CDS2: variants seen among roughly 807,000 people sequenced by gnomAD.
CDS2 encodes CDP-diacylglycerol synthase 2.
A neutral mutation model predicts 59.0 loss-of-function variants in CDS2; 47 were observed. That is an observed-to-expected ratio of 0.80 (90% confidence interval 0.63 to 1.02). CDS2 has a LOEUF of 1.02. Ranked by LOEUF, CDS2 falls within the 50% of genes least tolerant of loss-of-function variation. The pLI is 0.00. For missense variants in CDS2, 356 were observed against 558.9 expected (o/e 0.64, Z 3.66); for synonymous variants, 207 against 206.4 (o/e 1.00, Z -0.02).
At chr20:5,150,109 G>A (rs2090776960) in intron 1 of CDS2, among the ~76,000 whole-genome samples, 2 of 152,260 alleles carry the variant, frequency 1.3e-5, no homozygotes, top group South Asian at 2.1e-4. Context: ...CTAAAATGTG[G>A]TATTTTCTTA....
rs116114620 is a variant in CDS2 at position 5,186,900 on chromosome 20, C to A, written c.981+61C>A. 3.8e-6 allele frequency: 6 copies of A among 1,562,478 alleles called. No individual in the cohort carries two copies. The South Asian group carries it at 6.7e-5, about 17-fold the overall frequency. ...GGACAGTGGCTACAAAGAGAGATCC[C>A]CCTCCATCACCTGCCCTCTGAAAAA... On this transcript the variant is annotated intron_variant, in intron 10 of 12. Transcript: ENST00000460006.
At chr20:5,134,447 A>G (rs1387208744) in intron 1 of CDS2, among the ~76,000 whole-genome samples, 2 of 152,154 alleles carry the variant, frequency 1.3e-5, no homozygotes, top group East Asian at 3.9e-4. Context: ...CACATAATCA[A>G]TTTTTTCCCT....
chr20:5,189,660 TG>T, intron 11 of CDS2, 74 bp from the exon 12 acceptor site: 1 of 1,043,180 alleles, frequency 9.6e-7, no homozygotes, highest in South Asian at 1.4e-5. Context: ...AGCCTGACAT[TG>T]GGGTGGGACC....
chr20:5,188,275 G>A (rs1461942836), intron 10 of CDS2, among the ~76,000 whole-genome samples: 1 of 152,148 alleles, frequency 6.6e-6, no homozygotes, highest in Non-Finnish European at 1.5e-5. Context: ...AGAGAACAAA[G>A]TCCATTGATA....
intron 1 of CDS2, among the ~76,000 whole-genome samples, chr20:5,158,950 C>T (rs1006800562): frequency 2.5e-4 from 38 of 152,308 alleles, no homozygotes; most frequent in African/African-American, 9.1e-4. Context: ...GCTGTTATCT[C>T]AGCACAGGTG....
chr20:5,184,976 C>T lies in CDS2; in HGVS notation c.759+31C>T, dbSNP rs1264143088. The T allele has an allele frequency of 1.4e-6, 2 of 1,476,532 alleles. No homozygotes were observed. The highest frequency in any genetic ancestry group is 4.5e-5 in the East Asian group (2 of 44,192). 91.5% of individuals were successfully genotyped at this position (1,476,532 alleles called of 1,614,324 possible). ...TGGATTACCCTAATGTGAAATACCA[C>T]TGTGAGGGGAGGGTGGTGCTCTCAA... On this transcript the variant is annotated intron_variant, in intron 8 of 12. Transcript: ENST00000460006. This position sits in a 1 kb window ranked among gnomAD's most constrained non-coding sequence, Gnocchi z 4.3.
intron 4 of CDS2, among the ~76,000 whole-genome samples, chr20:5,177,603 T>TG (rs1434531792): frequency 1.3e-5 from 2 of 152,180 alleles, no homozygotes; most frequent in African/African-American, 4.8e-5. Flanking sequence ...TGAGAGGACC[T>TG]GGGGCAAATG....
intron 4 of CDS2, 49 bp downstream of exon 4, chr20:5,176,794 T>C: frequency 1.5e-6 from 2 of 1,291,672 alleles, no homozygotes; most frequent in Non-Finnish European, 1.1e-6. Context: ...ATGATGTGCT[T>C]TGTGGCAGGT....
At position 5,175,246 on chromosome 20, in the gene CDS2, C is replaced by G. The variant is rs1481335202; in HGVS notation, c.258C>G (p.Ile86Met). The change falls in exon 3 of 13, where the codon ATC (isoleucine) becomes ATG (methionine). Residue 86 changes from isoleucine (I) to methionine (M), a missense_variant. By Grantham distance (10) the Ile-to-Met change is conservative. Around this residue, in one of 5 missense-constraint regions of CDS2, gnomAD observed 107 missense variants for 129.7 expected, o/e 0.82. Transcript: ENST00000460006. ...CCATGATTGCATTTTTCTTCATCAT[C>G]ATTTACCTGGGACCAATGGTTTTGA... ...TLAMIAFFFI[I>M]IYLGPMVLMI... is the part of the protein sequence containing the mutation. The G allele has an allele frequency of 4.3e-6, 7 of 1,614,052 alleles. No homozygotes were observed. Among genetic ancestry groups the G allele is most frequent in the Non-Finnish European group, 5.9e-6 (7 of 1,179,884 alleles).
In CDS2 at chr20:5,196,993, T is replaced by C. The variant is rs1380567830; in HGVS notation, c.*6759T>C. The C allele has an allele frequency of 6.6e-6, 1 of 152,260 alleles. No homozygotes were observed. Among genetic ancestry groups the C allele is most frequent in the Non-Finnish European group, 1.5e-5 (1 of 68,046 alleles). The allele number at this position is 152,260 out of a possible 1,614,324, so 9.4% of individuals were successfully genotyped here. A position where few individuals can be genotyped will look rare whatever the true frequency, so the allele number is the denominator to read the frequency against. ...CACGGAGGGGCCAGGAGTCTCACAG[T>C]GGAGGGCAGACTCTAACAGATGCCA... On this transcript the variant is annotated 3_prime_UTR_variant, in exon 13 of 13. Coordinates refer to ENST00000460006, the MANE Select transcript of CDS2 (RefSeq NM_003818.4).
chr20:5,140,269 G>T (rs1177214999), intron 1 of CDS2, among the ~76,000 whole-genome samples: 1 of 152,146 alleles, frequency 6.6e-6, no homozygotes, highest in African/African-American at 2.4e-5. Flanking sequence ...CTGCAGTATG[G>T]TATTCTTAGA....
intron 1 of CDS2, among the ~76,000 whole-genome samples, chr20:5,166,482 GCAGGGAGCATGAGAATGAATGGGGAAACT>G (rs1334556694): frequency 7.2e-5 from 11 of 152,116 alleles, no homozygotes; most frequent in African/African-American, 2.7e-4. Flanking sequence ...AGAAGAGACA[GCAGGGAGCATGAGAATGAATGGGGAAACT>G]CAGGGAGAGT....
At position 5,178,974 on chromosome 20, in the gene CDS2, C is replaced by G; in HGVS notation, c.529+18C>G. 2.5e-6 allele frequency: 4 copies of G among 1,611,024 alleles called. No homozygotes were observed. The highest frequency in any genetic ancestry group is 3.4e-6 in the Non-Finnish European group (4 of 1,177,402). On this transcript the variant is annotated intron_variant, in intron 5 of 12. Transcript: ENST00000460006. The stretch of plus-strand genomic sequence containing the variant: ...TCTAATAGGTATGCATTAAGCAGTT[C>G]ACCATTTCTTGTGTCTGTATTGTTT...
intron 1 of CDS2, among the ~76,000 whole-genome samples, chr20:5,163,291 TG>T (rs1384954397): frequency 6.6e-6 from 1 of 152,220 alleles, no homozygotes; most frequent in African/African-American, 2.4e-5. Context: ...GACAGAGTTT[TG>T]CTCTTGTTGC....
chr20:5,166,826 GT>G (rs2090916541), intron 1 of CDS2, among the ~76,000 whole-genome samples: 1 of 152,182 alleles, frequency 6.6e-6, no homozygotes, highest in Admixed American at 6.5e-5. Flanking sequence ...TTGAAGTTGG[GT>G]TGTTGTGGTT....
chr20:5,175,659 G>A (rs919103641), intron 3 of CDS2: 6 of 180,596 alleles, frequency 3.3e-5, no homozygotes, highest in East Asian at 1.7e-4. Context: ...GGTGGCACGC[G>A]CCTGTAATCC....
At chr20:5,152,488 T>A (rs2090800682) in intron 1 of CDS2, among the ~76,000 whole-genome samples, 1 of 152,222 alleles carries the variant, frequency 6.6e-6, no homozygotes, top group South Asian at 2.1e-4. Context: ...ACGCCTGTAA[T>A]TCCAGCACTT....
chr20:5,162,336 C>T (rs2090881343), intron 1 of CDS2, among the ~76,000 whole-genome samples: 2 of 152,084 alleles, frequency 1.3e-5, no homozygotes, highest in African/African-American at 4.8e-5. Context: ...GCAAATATTC[C>T]AAATTCTGAA....
chr20:5,175,641 C>CTGGG, intron 3 of CDS2: 1 of 189,246 alleles, frequency 5.3e-6, no homozygotes, highest in Non-Finnish European at 1.1e-5. Flanking sequence ...CAAAAATTAG[C>CTGGG]CACGCGTGGT....
Sources: gnomAD v4.1 joint callset for allele counts (sites outside exome capture counted in the v4.1 genomes callset) on GRCh38, gnomAD v4.1.1 for gene constraint, gnomAD v4.1.1 regional missense constraint, Gnocchi (gnomAD v3.1) non-coding constraint, MANE v1.5 for transcripts, NCBI Gene and HGNC (gene_info 2026-07-23, HGNC 2026-07-21) for gene names.